KCNK16: variants seen among roughly 807,000 people sequenced by gnomAD.
KCNK16 encodes potassium channel subfamily K member 16.
KCNK16 carries 23 observed loss-of-function variants against 23.0 expected under a neutral mutation model. The ratio of observed to expected loss-of-function variants is 1.00; its 90% CI spans 0.72 to 1.41. The LOEUF (loss-of-function observed/expected upper bound fraction) is 1.41, where lower values mean the gene tolerates loss of function less well. Ranked by LOEUF, KCNK16 falls within the 40% of genes most tolerant of loss-of-function variation. KCNK16 has a pLI of 0.00. For synonymous variants in KCNK16, 145 were observed against 153.5 expected (o/e 0.94, Z 0.41); for missense variants, 327 against 365.8 (o/e 0.89, Z 0.87).
Position 39,322,683 on chromosome 6 carries a change from G to T in KCNK16, c.-143C>A. The T allele has an allele frequency of 7.5e-7, 1 of 1,324,582 alleles. No individual in the cohort carries two copies. Among genetic ancestry groups the T allele is most frequent in the Non-Finnish European group, 1.0e-6 (1 of 995,208 alleles). 82.1% of individuals were successfully genotyped at this position (1,324,582 alleles called of 1,614,324 possible). A position where few individuals can be genotyped will look rare whatever the true frequency, so the allele number is the denominator to read the frequency against. ...CTCGGCACAGGTGTCTGGAGGCTGG[G>T]GAGACTGTTTGAACAGTGCGGCTCA... On this transcript the variant is annotated 5_prime_UTR_variant, in exon 1 of 5. Coordinates refer to ENST00000437525, the MANE Select transcript of KCNK16 (RefSeq NM_001135106.2).
downstream of KCNK16, chr6:39,316,124 G>A (rs562196806): frequency 3.0e-4 from 429 of 1,426,742 alleles, no homozygotes; most frequent in African/African-American, 5.4e-3. Flanking sequence ...GAAGTGAGGG[G>A]GTTGGGAGAG....
At position 39,321,932 on chromosome 6, in the gene KCNK16, G is replaced by A. The variant is rs145599576; in HGVS notation, c.213+396C>T. 5.1e-4 allele frequency among the ~76,000 whole-genome samples: 77 copies of A among 152,378 alleles called. 1 individual carries two copies. In the East Asian group the frequency reaches 0.012, roughly 24 times the overall value. The stretch of plus-strand genomic sequence containing the variant: ...AAGGAGCTGCAGCCCTGGAGTTGGG[G>A]AAGGGGAAGTATGAAAGTGTGGGAG... On this transcript the variant is annotated intron_variant, in intron 1 of 4. Coordinates refer to ENST00000437525, the MANE Select transcript of KCNK16 (RefSeq NM_001135106.2).
In KCNK16 at chr6:39,322,649, G is replaced by T; in HGVS notation, c.-109C>A. 1 of 1,443,872 alleles carries T rather than the reference G, an allele frequency of 6.9e-7. No homozygotes were observed. The highest frequency in any genetic ancestry group is 9.1e-7 in the Non-Finnish European group (1 of 1,095,022). The allele number at this position is 1,443,872 out of a possible 1,614,324, so 89.4% of individuals were successfully genotyped here. On this transcript the variant is annotated 5_prime_UTR_variant, in exon 1 of 5. Coordinates refer to ENST00000437525, the MANE Select transcript of KCNK16 (RefSeq NM_001135106.2). Reference sequence around the variant, plus strand: ...CTGTGCCCAGGCTGCCGCCTGCCCTGCCCTCCTCCTCGGCACAGGTGTCTG... The same window carrying T: ...CTGTGCCCAGGCTGCCGCCTGCCCTTCCCTCCTCCTCGGCACAGGTGTCTG...
intron 1 of KCNK16, among the ~76,000 whole-genome samples, chr6:39,321,736 C>G (rs1020292657): frequency 6.6e-6 from 1 of 152,210 alleles, no homozygotes; most frequent in African/African-American, 2.4e-5. Flanking sequence ...AGAGAGAGCC[C>G]CATTTGGGTG....
downstream of KCNK16, chr6:39,315,075 C>A (rs766212013): frequency 6.2e-7 from 1 of 1,614,200 alleles, no homozygotes; most frequent in South Asian, 1.1e-5. Context: ...TGCTGTAGAG[C>A]CTCTCCTGGG....
Position 39,322,494 on chromosome 6 carries a change from G to A in KCNK16, c.47C>T (p.Pro16Leu). 2 of 1,612,172 alleles carry A rather than the reference G, an allele frequency of 1.2e-6. No individual in the cohort carries two copies. The highest frequency in any genetic ancestry group is 1.7e-6 in the Non-Finnish European group (2 of 1,179,636). The change falls in exon 1 of 5, where the codon CCC becomes CTC. Residue 16 changes from proline to leucine, a missense_variant. Transcript: ENST00000437525. The part of the protein sequence containing the change: ...LCSCWGGRVL[P>L]LLLAYVCYLL... ...GTAGCAGACATAGGCCAGCAGCAGG[G>A]GCAGCACCCGGCCACCCCAGCAGCT...
chr6:39,315,407 G>A, downstream of KCNK16: 1 of 1,551,194 alleles, frequency 6.4e-7, no homozygotes, highest in Non-Finnish European at 8.7e-7. Context: ...GAGCCCAGAG[G>A]GAGTGATGAA....
rs1762330607 is a variant in KCNK16 at position 39,316,690 on chromosome 6, T to C, written c.661+92A>G. 1.4e-5 allele frequency: 20 copies of C among 1,439,112 alleles called. No individual in the cohort carries two copies. In the South Asian group the frequency reaches 2.1e-4, roughly 15 times the overall value. 89.1% of individuals were successfully genotyped at this position (1,439,112 alleles called of 1,614,324 possible). ...CCTTGAATGACCAAGGGCTATCTTA[T>C]CCTCAATAGTTGTCCTCAGCTGACA... On this transcript the variant is annotated intron_variant, in intron 4 of 4. Transcript: ENST00000437525.
intron 1 of KCNK16, among the ~76,000 whole-genome samples, chr6:39,321,339 G>T (rs140577264): frequency 6.6e-6 from 1 of 152,354 alleles, no homozygotes; most frequent in African/African-American, 2.4e-5. Context: ...GGGAGTGAAT[G>T]CTGTCTCTAC....
rs140487595 is a variant in KCNK16, at chr6:39,317,845, C to T, written c.436G>A (p.Gly146Arg). The T allele has an allele frequency of 2.5e-4, 408 of 1,613,158 alleles. No homozygotes were observed. The highest frequency in any genetic ancestry group is 3.3e-4 in the Non-Finnish European group (393 of 1,179,678). ...ATGGCGGCCAGATGGGCACGCAGCC[C>T]TGTGCCCAGGTGGTTGAGGAAGATC... ...NVIFLNHLGT[G>R]LRAHLAAIER... The change falls in exon 3 of 5, where the codon GGG becomes AGG. Residue 146 changes from glycine (G) to arginine (R), a missense_variant. Coordinates refer to ENST00000437525, the MANE Select transcript of KCNK16 (RefSeq NM_001135106.2).
intron 2 of KCNK16, among the ~76,000 whole-genome samples, 190 bp downstream of exon 2, chr6:39,318,829 A>G (rs998723429): frequency 2.0e-5 from 3 of 152,146 alleles, no homozygotes; most frequent in African/African-American, 4.8e-5. Context: ...CAGTCACCCA[A>G]GCCAGTAATC....
rs746464204 is a variant in KCNK16, at chr6:39,322,560, C to G, written c.-20G>C. ...GGGCATGCTGTGGCCAGGACCCTGC[C>G]AGGGCCGTGGGGCTGGCTATGGGGG... On this transcript the variant is annotated 5_prime_UTR_variant, in exon 1 of 5. Transcript: ENST00000437525. 6 of 1,570,172 alleles carry G rather than the reference C, an allele frequency of 3.8e-6. No homozygotes were observed. The South Asian group carries it at 6.8e-5, about 18-fold the overall frequency.
At chr6:39,318,200 G>A (rs956737530) in intron 2 of KCNK16, among the ~76,000 whole-genome samples, 1 of 152,224 alleles carries the variant, frequency 6.6e-6, no homozygotes, top group African/African-American at 2.4e-5. Context: ...TCCCTTCTGG[G>A]TGTGGTTCCC....
chr6:39,322,864 A>C, upstream of KCNK16: 1 of 331,850 alleles, frequency 3.0e-6, no homozygotes, highest in Non-Finnish European at 5.7e-6. Flanking sequence ...CTCTGTCTCC[A>C]AGTTGGATAG....
downstream of KCNK16, among the ~76,000 whole-genome samples, chr6:39,315,789 G>C (rs531429563): frequency 2.8e-3 from 424 of 152,286 alleles, 5 homozygotes; most frequent in Non-Finnish European, 5.5e-3. Context: ...TTCCACTGCT[G>C]TATCCCCAGA....
chr6:39,316,340 G>C lies in KCNK16; in HGVS notation c.764C>G (p.Pro255Arg), dbSNP rs1382759848. 1.2e-6 allele frequency: 2 copies of C among 1,612,030 alleles called. No homozygotes were observed. The highest frequency in any genetic ancestry group is 1.7e-6 in the Non-Finnish European group (2 of 1,179,398). The change falls in exon 5 of 5, where the codon CCC (proline) becomes CGC (arginine). Residue 255 changes from proline (P) to arginine (R), a missense_variant. Pro to Arg is a moderately radical substitution (Grantham distance 103, BLOSUM62 -2). Coordinates refer to ENST00000437525, the MANE Select transcript of KCNK16 (RefSeq NM_001135106.2). ...CTGGCAGCATCTGTGCAGAAGCAGG[G>C]GGCCCAGTGGGAGGATCAGCGCCAG... ...AWLALILPLG[P>R]LLLHRCCQLW...
Position 39,319,029 on chromosome 6 carries a change from G to A in KCNK16, c.318C>T (p.Val106=), listed in dbSNP as rs1369366620. 2 of 1,612,630 alleles carry A rather than the reference G, an allele frequency of 1.2e-6. No individual in the cohort carries two copies. The highest frequency in any genetic ancestry group is 2.7e-5 in the African/African-American group (2 of 74,886). ...GSSFFFAGTV[V]TTIGYGNLAP... ...ACCCCAGCCCTTTACCTATGGTAGTGACGACTGTGCCTGCAAAGAAGAAAC... is the reference window on the plus strand; with the variant it reads ...ACCCCAGCCCTTTACCTATGGTAGTAACGACTGTGCCTGCAAAGAAGAAAC... Residue 106 remains valine, a synonymous_variant, in exon 2 of 5, where the codon GTC becomes GTT. Coordinates refer to ENST00000437525, the MANE Select transcript of KCNK16 (RefSeq NM_001135106.2). This position sits in a 1 kb window ranked among gnomAD's most constrained non-coding sequence, Gnocchi z 4.2.
At chr6:39,317,978 A>G in intron 2 of KCNK16, 26 bp from the exon 3 acceptor site, 1 of 1,578,916 alleles carries the variant, frequency 6.3e-7, no homozygotes. Flanking sequence ...GGCGTGTGCA[A>G]ATATGGAGAC....
upstream of KCNK16, chr6:39,322,811 CAA>C (rs1169785540): frequency 2.2e-6 from 1 of 464,476 alleles, no homozygotes; most frequent in African/African-American, 1.9e-5. Context: ...AGGGACCCTT[CAA>C]AGAGACCTAC....
Sources: allele counts gnomAD v4.1 joint callset (sites outside exome capture counted in the v4.1 genomes callset), GRCh38; gene constraint gnomAD v4.1.1; non-coding constraint Gnocchi (gnomAD v3.1); transcripts MANE v1.5; gene names NCBI Gene and HGNC (gene_info 2026-07-23, HGNC 2026-07-21).